The following RNF180 variants were observed in gnomAD, a reference collection of about 807,000 sequenced individuals.
RNF180 encodes the protein ring finger protein 180.
Under a neutral mutation model 59.2 loss-of-function variants are expected in RNF180, and 38 were observed. That is an observed-to-expected ratio of 0.64 (90% CI 0.50 to 0.84). The LOEUF is 0.84. RNF180 is among the 40% of genes least tolerant of loss of function. RNF180 has a pLI of 0.00. For synonymous variants in RNF180, 262 were observed against 240.3 expected, an observed-to-expected ratio of 1.09 and a Z score of -0.84; for missense variants, 705 against 700.9, an observed-to-expected ratio of 1.01 and a Z score of -0.07.
In RNF180 at chr5:64,369,673, G is replaced by T. The variant is rs761928319; in HGVS notation, c.1638G>T (p.Arg546Ser). Residue 546 changes from arginine (R) to serine (S), a missense_variant, in exon 8 of 8, where the codon AGG (arginine) becomes AGT (serine). Arg to Ser is a moderately radical substitution (Grantham distance 110). Transcript: ENST00000389100. Reference protein sequence around the residue: ...TRRQFPHGAHRMDYLHFEDDS... With the variant: ...TRRQFPHGAHSMDYLHFEDDS... ...GGCAGTTCCCACACGGTGCACACAGGATGGATTACCTGCACTTTGAGGATG... is the reference window on the plus strand; with the variant it reads ...GGCAGTTCCCACACGGTGCACACAGTATGGATTACCTGCACTTTGAGGATG... 2 of 1,546,928 alleles carry T rather than the reference G, an allele frequency of 1.3e-6. No homozygotes were observed. The highest frequency in any genetic ancestry group is 1.7e-6 in the Non-Finnish European group (2 of 1,144,914).
chr5:64,192,285 G>C (rs2968288), intron 1 of RNF180, among the ~76,000 whole-genome samples: 6,855 of 151,884 alleles, frequency 0.045, 507 homozygotes, highest in African/African-American at 0.15. Flanking sequence ...ACACCTGTTA[G>C]GATATTACCA....
intron 5 of RNF180, among the ~76,000 whole-genome samples, chr5:64,221,481 CTGTT>C (rs1741333387): frequency 6.6e-6 from 1 of 152,042 alleles, no homozygotes; most frequent in Admixed American, 6.6e-5. Flanking sequence ...GTTTGTTACT[CTGTT>C]TTATGAATGT....
intron 5 of RNF180, among the ~76,000 whole-genome samples, chr5:64,266,636 C>T (rs1744695435): frequency 6.6e-6 from 1 of 152,046 alleles, no homozygotes; most frequent in Admixed American, 6.6e-5. Flanking sequence ...CATAAGGTGG[C>T]TTTATGCTAC....
At chr5:64,346,185 A>G (rs984040702) in intron 7 of RNF180, among the ~76,000 whole-genome samples, 42 of 151,998 alleles carry the variant, frequency 2.8e-4, no homozygotes, top group African/African-American at 1.0e-3. Context: ...CATTATTATG[A>G]AACAGAACTT....
At chr5:64,339,444 G>A (rs1383501452) in intron 7 of RNF180, among the ~76,000 whole-genome samples, 1 of 151,844 alleles carries the variant, frequency 6.6e-6, no homozygotes, top group Non-Finnish European at 1.5e-5. Flanking sequence ...ATACTGGTTG[G>A]ATCATCTTGA....
chr5:64,341,526 G>A (rs72752860), intron 7 of RNF180, among the ~76,000 whole-genome samples: 11,916 of 152,208 alleles, frequency 0.078, 635 homozygotes, highest in South Asian at 0.16. Flanking sequence ...GGGGCCATGG[G>A]CAATGTATGT....
intron 5 of RNF180, among the ~76,000 whole-genome samples, chr5:64,308,006 G>A (rs768289955): frequency 6.6e-5 from 10 of 151,660 alleles, no homozygotes; most frequent in Non-Finnish European, 1.2e-4. Flanking sequence ...TAAATTTGTG[G>A]GAAATGATTA....
At chr5:64,169,801 A>G (rs927477293) in intron 1 of RNF180, among the ~76,000 whole-genome samples, 1 of 152,378 alleles carries the variant, frequency 6.6e-6, no homozygotes, top group South Asian at 2.1e-4. Flanking sequence ...AAGAGAATTC[A>G]AAGAAGTCTT....
intron 5 of RNF180, among the ~76,000 whole-genome samples, chr5:64,296,545 A>G (rs79688038): frequency 0.022 from 3,295 of 152,090 alleles, 91 homozygotes; most frequent in African/African-American, 0.056. Context: ...TATAGAAACT[A>G]TGTGCATTTT....
At chr5:64,337,310 C>T (rs1481375789) in intron 7 of RNF180, among the ~76,000 whole-genome samples, 4 of 151,910 alleles carry the variant, frequency 2.6e-5, no homozygotes, top group South Asian at 2.1e-4. Context: ...TGCCAAGCCT[C>T]GCTTAGATGT....
chr5:64,251,403 A>G (rs1397067577), intron 5 of RNF180, among the ~76,000 whole-genome samples: 5 of 152,182 alleles, frequency 3.3e-5, no homozygotes, highest in East Asian at 3.9e-4. Context: ...TGCAGATGAC[A>G]TGCTTTTTGA....
intron 5 of RNF180, among the ~76,000 whole-genome samples, chr5:64,321,091 A>G (rs567953579): frequency 1.5e-4 from 23 of 152,124 alleles, no homozygotes; most frequent in African/African-American, 5.3e-4. Context: ...GAAGCATTCC[A>G]TTTGAAAACC....
intron 5 of RNF180, among the ~76,000 whole-genome samples, chr5:64,234,241 C>CA (rs1430138225): frequency 2.0e-5 from 3 of 152,032 alleles, no homozygotes; most frequent in Admixed American, 1.3e-4. Flanking sequence ...GAGGTGGGTG[C>CA]ATCACTTGAG....
intron 5 of RNF180, among the ~76,000 whole-genome samples, chr5:64,321,726 A>T (rs1279481864): frequency 6.6e-6 from 1 of 152,232 alleles, no homozygotes; most frequent in African/African-American, 2.4e-5. Flanking sequence ...AAGCAAAAAG[A>T]AGAAGGCTGG....
intron 1 of RNF180, among the ~76,000 whole-genome samples, chr5:64,197,405 T>C (rs1301484247): frequency 1.3e-5 from 2 of 152,222 alleles, no homozygotes; most frequent in Non-Finnish European, 2.9e-5. Context: ...TTCTTGGTAA[T>C]ATTAAGATGT....
chr5:64,358,773 C>A (rs1278789220), intron 7 of RNF180, among the ~76,000 whole-genome samples: 1 of 146,688 alleles, frequency 6.8e-6, no homozygotes, highest in African/African-American at 2.5e-5. Flanking sequence ...GTATATCTCC[C>A]AATGCTATCC....
intron 7 of RNF180, among the ~76,000 whole-genome samples, chr5:64,359,226 G>T (rs1746148013): frequency 6.7e-6 from 1 of 150,306 alleles, no homozygotes; most frequent in South Asian, 2.1e-4. Context: ...TTCCACAATG[G>T]TTGAACTAGT....
At chr5:64,268,343 G>A (rs1200657429) in intron 5 of RNF180, among the ~76,000 whole-genome samples, 3 of 151,970 alleles carry the variant, frequency 2.0e-5, no homozygotes, top group South Asian at 2.1e-4. Flanking sequence ...AAATTAAGAG[G>A]CAATGAAATA....
chr5:64,177,357 G>C (rs1750293344), intron 1 of RNF180, among the ~76,000 whole-genome samples: 1 of 151,812 alleles, frequency 6.6e-6, no homozygotes, highest in African/African-American at 2.4e-5. Context: ...CCAACTGGAA[G>C]ACTACTCTCT....
Sources: allele counts gnomAD v4.1 joint callset (sites outside exome capture counted in the v4.1 genomes callset), GRCh38; gene constraint gnomAD v4.1.1; transcripts MANE v1.5; gene names NCBI Gene and HGNC (gene_info 2026-07-23, HGNC 2026-07-21).